GSG1L: variants seen among roughly 807,000 people sequenced by gnomAD.
GSG1L encodes germ cell-specific gene 1-like protein.
A neutral mutation model predicts 42.1 loss-of-function variants in GSG1L; 24 were observed. That is an observed-to-expected ratio of 0.57 (90% CI 0.41 to 0.80). GSG1L has a LOEUF of 0.80. Among genes scored for constraint, GSG1L ranks in the 30% least tolerant of loss-of-function variants. GSG1L has a pLI of 0.00. For missense variants in GSG1L, 445 were observed against 472.2 expected, an observed-to-expected ratio of 0.94 and a Z score of 0.53; for synonymous variants, 215 against 203.5, an observed-to-expected ratio of 1.06 and a Z score of -0.48.
At chr16:27,912,993 G>GT (rs575960679) in intron 2 of GSG1L, among the ~76,000 whole-genome samples, 4,683 of 147,144 alleles carry the variant, frequency 0.032, 105 homozygotes, top group African/African-American at 0.059. Flanking sequence ...GTGTGTGTGT[G>GT]TTTTTTTTTA....
intron 1 of GSG1L, among the ~76,000 whole-genome samples, chr16:28,017,072 A>G (rs1347968736): frequency 6.6e-6 from 1 of 152,278 alleles, no homozygotes; most frequent in Non-Finnish European, 1.5e-5. Context: ...AATCAGGTGC[A>G]GTTCTGATGT....
intron 2 of GSG1L, among the ~76,000 whole-genome samples, chr16:27,937,440 C>G (rs1165202227): frequency 6.6e-6 from 1 of 152,178 alleles, no homozygotes; most frequent in Non-Finnish European, 1.5e-5. Context: ...CAGGGTTTCA[C>G]CATGTTGGCC....
chr16:27,938,379 C>A (rs1307753301), intron 2 of GSG1L, among the ~76,000 whole-genome samples: 1 of 108,058 alleles, frequency 9.3e-6, no homozygotes, highest in East Asian at 2.4e-4. Context: ...CAGAGCGAGA[C>A]TCCATTAAAA....
chr16:27,838,209 G>T lies in GSG1L; in HGVS notation c.662+6741C>A, dbSNP rs572108954. On this transcript the variant is annotated intron_variant, in intron 4 of 6. Transcript: ENST00000447459. ...CTAGAATGGTGCCTGGCACATAATA[G>T]GTGCTCAGTAAATACTTGTGGAATG... Among the ~76,000 whole-genome samples, 4 of 152,284 alleles carry T rather than the reference G, an allele frequency of 2.6e-5. No homozygotes were observed. The East Asian group carries it at 7.7e-4, about 29-fold the overall frequency.
At chr16:27,981,962 C>G (rs2085331112) in intron 1 of GSG1L, among the ~76,000 whole-genome samples, 1 of 152,204 alleles carries the variant, frequency 6.6e-6, no homozygotes, top group African/African-American at 2.4e-5. Flanking sequence ...GTCTTAGTTT[C>G]CACATCTGTA....
At chr16:27,813,489 G>A (rs1299764093) in intron 5 of GSG1L, among the ~76,000 whole-genome samples, 1 of 152,166 alleles carries the variant, frequency 6.6e-6, no homozygotes, top group East Asian at 1.9e-4. Context: ...GGGCATTTAG[G>A]TTGATTTTAT....
intron 2 of GSG1L, among the ~76,000 whole-genome samples, chr16:27,903,883 C>T (rs1216732686): frequency 1.3e-5 from 2 of 152,122 alleles, no homozygotes; most frequent in Non-Finnish European, 2.9e-5. Context: ...TCAGAGCCAG[C>T]GGTCACCTGT....
Position 27,963,071 on chromosome 16 carries a change from C to T in GSG1L, c.397+85G>A, listed in dbSNP as rs2085088336. ...CCAGGGATGCTGAAGAAGATGCTAT[C>T]ACAGGGCTTTGGGGAGCCACCAAGG... On this transcript the variant is annotated intron_variant, in intron 2 of 6. Transcript: ENST00000447459. The T allele has an allele frequency of 6.9e-6, 8 of 1,163,220 alleles. No homozygotes were observed. The Admixed American group carries it at 1.1e-4, about 16-fold the overall frequency. The allele number at this position is 1,163,220 out of a possible 1,614,324, so 72.1% of individuals were successfully genotyped here.
intron 2 of GSG1L, among the ~76,000 whole-genome samples, chr16:27,942,736 T>C (rs2084815523): frequency 6.6e-6 from 1 of 152,178 alleles, no homozygotes; most frequent in African/African-American, 2.4e-5. Flanking sequence ...ACCCACCAGA[T>C]TGGCAAAATT....
chr16:27,891,094 C>A (rs573418410), intron 2 of GSG1L, among the ~76,000 whole-genome samples: 2 of 152,158 alleles, frequency 1.3e-5, no homozygotes, highest in East Asian at 3.9e-4. Context: ...CGTACACCAA[C>A]CTGCCCCCAT....
chr16:27,858,463 A>G (rs1215880379), intron 3 of GSG1L, among the ~76,000 whole-genome samples: 2 of 152,214 alleles, frequency 1.3e-5, no homozygotes, highest in Non-Finnish European at 2.9e-5. Flanking sequence ...CCCAACTCCA[A>G]GTCCAGGTGT....
chr16:27,912,775 T>G (rs1358662697), intron 2 of GSG1L, among the ~76,000 whole-genome samples: 1 of 152,124 alleles, frequency 6.6e-6, no homozygotes, highest in Non-Finnish European at 1.5e-5. Context: ...AAGACATTCT[T>G]GCACCATAAT....
chr16:27,904,559 C>T (rs567106838), intron 2 of GSG1L, among the ~76,000 whole-genome samples: 1 of 152,258 alleles, frequency 6.6e-6, no homozygotes, highest in South Asian at 2.1e-4. Flanking sequence ...CCATAAATCC[C>T]TCTAATGTTC....
intron 2 of GSG1L, among the ~76,000 whole-genome samples, chr16:27,890,085 C>T (rs981296018): frequency 6.6e-6 from 1 of 152,168 alleles, no homozygotes; most frequent in South Asian, 2.1e-4. Context: ...CACTTGGAGA[C>T]CATATTCTCC....
At chr16:28,031,225 T>C (rs1305615845) in intron 1 of GSG1L, among the ~76,000 whole-genome samples, 2 of 84,836 alleles carry the variant, frequency 2.4e-5, no homozygotes, top group South Asian at 8.2e-4. Flanking sequence ...TGGAATAGGA[T>C]GGGATGGGAT....
chr16:28,003,690 T>C (rs2085605726), intron 1 of GSG1L, among the ~76,000 whole-genome samples: 1 of 152,106 alleles, frequency 6.6e-6, no homozygotes, highest in African/African-American at 2.4e-5. Flanking sequence ...TTCCCCAGTG[T>C]TTCCCAGAAT....
At chr16:27,937,921 C>T (rs1343657617) in intron 2 of GSG1L, among the ~76,000 whole-genome samples, 11 of 152,058 alleles carry the variant, frequency 7.2e-5, no homozygotes, top group Admixed American at 5.9e-4. Context: ...TTTGTTGTGG[C>T]GACACCCACA....
intron 2 of GSG1L, among the ~76,000 whole-genome samples, chr16:27,938,434 C>T (rs927359187): frequency 6.6e-6 from 1 of 150,532 alleles, no homozygotes; most frequent in African/African-American, 2.4e-5. Context: ...GCTGGCTTCT[C>T]AACTGTTCAA....
chr16:28,006,259 C>T (rs34678232), intron 1 of GSG1L, among the ~76,000 whole-genome samples: 44,837 of 151,978 alleles, frequency 0.3, 6,695 homozygotes, highest in Middle Eastern at 0.34. Flanking sequence ...CTAGAGCCTC[C>T]GGAACAAGGC....
Sources: allele counts gnomAD v4.1 joint callset (sites outside exome capture counted in the v4.1 genomes callset), GRCh38; gene constraint gnomAD v4.1.1; transcripts MANE v1.5; gene names NCBI Gene and HGNC (gene_info 2026-07-23, HGNC 2026-07-21).